Variants in MAGI1 observed in about 807,000 individuals in gnomAD.
The protein encoded by MAGI1 is membrane-associated guanylate kinase, WW and PDZ domain-containing protein 1.
Under a neutral mutation model 139.9 loss-of-function variants are expected in MAGI1, and 58 were observed. The observed-to-expected ratio is 0.41, with a 90% CI of 0.34 to 0.52. MAGI1 has a LOEUF of 0.52. Ranked by LOEUF, MAGI1 falls within the 20% of genes least tolerant of loss-of-function variation. The probability of loss-of-function intolerance (pLI) is 0.12; values close to 1 mark genes in which losing one functional copy is unlikely to be tolerated. For synonymous variants in MAGI1, 812 were observed against 737.9 expected (o/e 1.10, Z -1.63); for missense variants, 1,874 against 1,901.6 (o/e 0.99, Z 0.27).
intron 2 of MAGI1, among the ~76,000 whole-genome samples, chr3:65,534,171 T>A (rs1398855213): frequency 1.3e-5 from 2 of 152,288 alleles, no homozygotes; most frequent in African/African-American, 4.8e-5. Flanking sequence ...GCATGATCAC[T>A]GGCAGTCCTA....
At chr3:65,772,171 G>C (rs1483212207) in intron 1 of MAGI1, among the ~76,000 whole-genome samples, 1 of 152,086 alleles carries the variant, frequency 6.6e-6, no homozygotes, top group Admixed American at 6.5e-5. Context: ...ACTCCAGCTT[G>C]AGCGACAGAG....
intron 1 of MAGI1, among the ~76,000 whole-genome samples, chr3:65,774,849 G>C (rs1308295165): frequency 6.6e-6 from 1 of 152,166 alleles, no homozygotes; most frequent in African/African-American, 2.4e-5. Flanking sequence ...GCAATAGGGA[G>C]AAGATTTTGA....
In MAGI1 at chr3:65,654,860, T is replaced by C. The variant is rs544237446; in HGVS notation, c.314-32772A>G. Among the ~76,000 whole-genome samples, 5 of 152,330 alleles carry C rather than the reference T, an allele frequency of 3.3e-5. No homozygotes were observed. The East Asian group carries it at 7.7e-4, about 24-fold the overall frequency. Reference sequence around the variant, plus strand: ...TGAGTGCTGGGCTCAAATGTAAGAATACAAGCTACATTGACTTTATTGCCC... The same window carrying C: ...TGAGTGCTGGGCTCAAATGTAAGAACACAAGCTACATTGACTTTATTGCCC... On this transcript the variant is annotated intron_variant, in intron 1 of 22. Transcript: ENST00000402939.
At chr3:65,549,552 C>G (rs1199528031) in intron 2 of MAGI1, 3 of 875,104 alleles carry the variant, frequency 3.4e-6, no homozygotes, top group Non-Finnish European at 4.1e-6. Flanking sequence ...GCAGTAGGCT[C>G]GGCCAGGGTG....
At chr3:65,662,961 T>A (rs113892796) in intron 1 of MAGI1, among the ~76,000 whole-genome samples, 2,124 of 152,200 alleles carry the variant, frequency 0.014, 55 homozygotes, top group African/African-American at 0.049. Flanking sequence ...CACCTTCAGT[T>A]GTGAGCAGGG....
chr3:65,655,564 TGAGTTG>T (rs2085828229), intron 1 of MAGI1, among the ~76,000 whole-genome samples: 1 of 152,218 alleles, frequency 6.6e-6, no homozygotes, highest in Non-Finnish European at 1.5e-5. Context: ...GGAGAATTTT[TGAGTTG>T]TCATCATCCA....
At chr3:65,727,958 A>G (rs2033793679) in intron 1 of MAGI1, among the ~76,000 whole-genome samples, 1 of 152,206 alleles carries the variant, frequency 6.6e-6, no homozygotes, top group African/African-American at 2.4e-5. Context: ...TGGGAGTACT[A>G]TTTGAGAAGA....
At chr3:65,532,401 G>A (rs780289846) in intron 2 of MAGI1, among the ~76,000 whole-genome samples, 3 of 152,104 alleles carry the variant, frequency 2.0e-5, no homozygotes, top group South Asian at 2.1e-4. Context: ...CCGTGCTTTC[G>A]AACACTCAAT....
chr3:65,487,900 C>T (rs1202460316), intron 3 of MAGI1, among the ~76,000 whole-genome samples: 1 of 152,184 alleles, frequency 6.6e-6, no homozygotes, highest in East Asian at 1.9e-4. Context: ...CTGAAGCCAC[C>T]AGCCATGTGT....
At chr3:65,586,614 A>G (rs1478112900) in intron 2 of MAGI1, among the ~76,000 whole-genome samples, 1 of 152,210 alleles carries the variant, frequency 6.6e-6, no homozygotes, top group African/African-American at 2.4e-5. Flanking sequence ...ACAAAGATAC[A>G]CAAAAATACT....
chr3:65,655,351 T>A (rs1159850876), intron 1 of MAGI1, among the ~76,000 whole-genome samples: 1 of 152,126 alleles, frequency 6.6e-6, no homozygotes, highest in Non-Finnish European at 1.5e-5. Flanking sequence ...AAAATCTACA[T>A]CCAACCATAC....
chr3:65,725,306 G>T (rs779347903), intron 1 of MAGI1, among the ~76,000 whole-genome samples: 1 of 152,164 alleles, frequency 6.6e-6, no homozygotes, highest in Non-Finnish European at 1.5e-5. Flanking sequence ...GTGTACCCCA[G>T]TGTCTCCATC....
chr3:65,535,707 A>AG (rs2078929596), intron 2 of MAGI1, among the ~76,000 whole-genome samples: 1 of 152,204 alleles, frequency 6.6e-6, no homozygotes, highest in African/African-American at 2.4e-5. Flanking sequence ...TGTAACTACA[A>AG]GGGGATGATT....
chr3:65,527,556 T>A (rs944548266), intron 2 of MAGI1, among the ~76,000 whole-genome samples: 12 of 152,020 alleles, frequency 7.9e-5, no homozygotes, highest in Non-Finnish European at 1.8e-4. Flanking sequence ...AAACCCCGTC[T>A]CTACTAAAAA....
intron 1 of MAGI1, among the ~76,000 whole-genome samples, chr3:65,868,558 C>T (rs1329846247): frequency 6.6e-6 from 1 of 152,174 alleles, no homozygotes; most frequent in African/African-American, 2.4e-5. Context: ...ATCACAAATG[C>T]ACTCAGCATA....
At chr3:65,844,058 T>C (rs1392871521) in intron 1 of MAGI1, 10 of 441,644 alleles carry the variant, frequency 2.3e-5, no homozygotes, top group Admixed American at 1.5e-4. Context: ...ACAGAAGCAA[T>C]GTGTGCCATT....
chr3:65,551,752 T>G (rs2079845939), intron 2 of MAGI1, among the ~76,000 whole-genome samples: 1 of 152,228 alleles, frequency 6.6e-6, no homozygotes, highest in South Asian at 2.1e-4. Flanking sequence ...AGCAGAAGAC[T>G]ATACAATCCA....
intron 1 of MAGI1, among the ~76,000 whole-genome samples, chr3:65,934,791 G>T: frequency 6.6e-6 from 1 of 151,068 alleles, no homozygotes. Flanking sequence ...TTTAAGGGGA[G>T]GTTGTGGTGG....
chr3:65,962,005 T>G (rs182097001), intron 1 of MAGI1, among the ~76,000 whole-genome samples: 3 of 152,194 alleles, frequency 2.0e-5, no homozygotes, highest in African/African-American at 7.2e-5. Flanking sequence ...ATGAAGTGAC[T>G]GGGCATAGTC....
Sources: allele counts gnomAD v4.1 joint callset (sites outside exome capture counted in the v4.1 genomes callset), GRCh38; gene constraint gnomAD v4.1.1; transcripts MANE v1.5; gene names NCBI Gene and HGNC (gene_info 2026-07-23, HGNC 2026-07-21).